The following SRSF11 variants were observed in gnomAD, a reference collection of about 807,000 sequenced individuals.
SRSF11 encodes serine and arginine rich splicing factor 11, also known as serine/arginine-rich splicing factor 11.
SRSF11 carries 9 observed loss-of-function variants against 56.0 expected under a neutral mutation model. That is an observed-to-expected ratio of 0.16 (90% CI 0.10 to 0.28). The LOEUF (loss-of-function observed/expected upper bound fraction) is 0.28, where lower values mean the gene tolerates loss of function less well. SRSF11 is among the 10% of genes least tolerant of loss of function. SRSF11 has a pLI of 1.00. For synonymous variants in SRSF11, 222 were observed against 215.3 expected (o/e 1.03, Z -0.27); for missense variants, 421 against 600.7 (o/e 0.70, Z 3.13).
At chr1:70,240,246 G>A (rs891336281) in intron 7 of SRSF11, among the ~76,000 whole-genome samples, 3 of 152,034 alleles carry the variant, frequency 2.0e-5, no homozygotes, top group Admixed American at 6.6e-5. Context: ...TACTGAAGGG[G>A]GATTTAATAA....
intron 2 of SRSF11, chr1:70,229,890 T>C: frequency 1.0e-6 from 1 of 985,332 alleles, no homozygotes; most frequent in Non-Finnish European, 1.2e-6. Flanking sequence ...GGTTTTGTAA[T>C]GTATAGATAG....
chr1:70,213,891 T>C (rs1669779381), intron 1 of SRSF11, among the ~76,000 whole-genome samples: 2 of 152,288 alleles, frequency 1.3e-5, no homozygotes, highest in Admixed American at 1.3e-4. Flanking sequence ...CTAGCACCTT[T>C]TAAGTGTTAT....
At chr1:70,248,468 G>C (rs1677237309) in intron 9 of SRSF11, 1 of 152,026 alleles carries the variant, frequency 6.6e-6, no homozygotes, top group Non-Finnish European at 1.5e-5. Flanking sequence ...AGATAGGGAG[G>C]ATTAGAGTGA....
At chr1:70,231,448 A>G (rs1412566541) in intron 2 of SRSF11, 28 of 1,055,166 alleles carry the variant, frequency 2.7e-5, no homozygotes, top group Non-Finnish European at 2.9e-5. Flanking sequence ...ACAGATATAT[A>G]TGTCATTTTT....
chr1:70,244,616 TACTA>T, intron 7 of SRSF11, 64 bp from the exon 8 acceptor site: 1 of 1,540,676 alleles, frequency 6.5e-7, no homozygotes, highest in Non-Finnish European at 8.8e-7. Context: ...TTTTGTCTGA[TACTA>T]AGCACAAAAT....
chr1:70,234,337 T>C (rs1365997249), intron 3 of SRSF11, among the ~76,000 whole-genome samples: 5 of 152,172 alleles, frequency 3.3e-5, no homozygotes, highest in African/African-American at 1.2e-4. Context: ...TGAGAAGCAA[T>C]AAATAATTAA....
Position 70,235,564 on chromosome 1 carries a change from CTT to C in SRSF11, c.590+16_590+17del. 5 of 1,608,420 alleles carry C rather than the reference CTT, an allele frequency of 3.1e-6. No individual in the cohort carries two copies. Among genetic ancestry groups the C allele is most frequent in the East Asian group, 2.2e-5 (1 of 44,672 alleles). On this transcript the variant is annotated intron_variant, in intron 5 of 11. Transcript: ENST00000370949. ...TGTTGATCCCAAGTAAGCGTTTTTT[CTT>C]TGTTTTCATTGGTGATGTGGTATCT...
In SRSF11 at chr1:70,242,488, G is replaced by T. The variant is rs368012999; in HGVS notation, c.801-2196G>T. On this transcript the variant is annotated intron_variant, in intron 7 of 11. Transcript: ENST00000370949. Reference sequence around the variant, plus strand: ...TTTTTGCACCTTTTTTTTTTATGTAGAGACAGGGTTTTGCCATGTTGCCCA... The same window carrying T: ...TTTTTGCACCTTTTTTTTTTATGTATAGACAGGGTTTTGCCATGTTGCCCA... Among the ~76,000 whole-genome samples, 455 of 102,388 alleles carry T rather than the reference G, an allele frequency of 4.4e-3. 1 individual carries two copies. Among genetic ancestry groups the T allele is most frequent in the African/African-American group, 0.016 (419 of 26,216 alleles). The allele number at this position is 102,388 out of a possible 152,430, so 67.2% of individuals were successfully genotyped here. A position where few individuals can be genotyped will look rare whatever the true frequency, so the allele number is the denominator to read the frequency against.
At chr1:70,235,170 CTAAGGTGT>C (rs1019511521) in intron 4 of SRSF11, among the ~76,000 whole-genome samples, 2 of 151,798 alleles carry the variant, frequency 1.3e-5, no homozygotes. Flanking sequence ...ATTATATTGG[CTAAGGTGT>C]TTTGAGTTTT....
intron 2 of SRSF11, 60 bp from the exon 3 acceptor site, chr1:70,232,208 T>G (rs1012573021): frequency 6.2e-7 from 1 of 1,613,236 alleles, no homozygotes; most frequent in Non-Finnish European, 8.5e-7. Flanking sequence ...TTCTGGGTGT[T>G]TTTGTGTGTT....
At chr1:70,218,050 C>T (rs1400458559), upstream of SRSF11, among the ~76,000 whole-genome samples, 6 of 151,988 alleles carry the variant, frequency 3.9e-5, no homozygotes, top group Non-Finnish European at 5.9e-5. Context: ...AGTGCAGGGA[C>T]GCGATCTCGG....
At chr1:70,221,965 G>T in intron 1 of SRSF11, 126 bp downstream of exon 1, 1 of 1,456,222 alleles carries the variant, frequency 6.9e-7, no homozygotes. Context: ...GGTGGCTGGT[G>T]GATTTACTTA....
intron 3 of SRSF11, among the ~76,000 whole-genome samples, chr1:70,233,301 A>G (rs1455008293): frequency 1.3e-5 from 2 of 151,936 alleles, no homozygotes; most frequent in Non-Finnish European, 2.9e-5. Context: ...CCGGAGTGCA[A>G]TAGCACAGTC....
chr1:70,232,868 T>C (rs184453862), intron 3 of SRSF11, among the ~76,000 whole-genome samples: 10 of 152,304 alleles, frequency 6.6e-5, no homozygotes, highest in African/African-American at 1.7e-4. Context: ...GTTGCAATAG[T>C]GTTTCTAACA....
At chr1:70,245,196 C>T (rs933587677) in intron 8 of SRSF11, among the ~76,000 whole-genome samples, 2 of 152,164 alleles carry the variant, frequency 1.3e-5, no homozygotes, top group Non-Finnish European at 2.9e-5. Flanking sequence ...GTGAGGCATA[C>T]AATTTCACAG....
intron 3 of SRSF11, among the ~76,000 whole-genome samples, chr1:70,232,837 T>C (rs1673112297): frequency 6.6e-6 from 1 of 152,164 alleles, no homozygotes; most frequent in South Asian, 2.1e-4. Flanking sequence ...ATGTTTGATA[T>C]GGGAATGTGA....
At chr1:70,208,534 C>T (rs940679433) in intron 1 of SRSF11, among the ~76,000 whole-genome samples, 13 of 152,222 alleles carry the variant, frequency 8.5e-5, no homozygotes, top group South Asian at 4.1e-4. Context: ...GGCAGGGTTT[C>T]GCCATGTTGG....
Position 70,234,707 on chromosome 1 carries a change from T to G in SRSF11, c.459T>G (p.Val153=). Residue 153 remains valine, a synonymous_variant, in exon 4 of 12, where the codon GTT becomes GTG. Transcript: ENST00000370949. ...TPNPLTQIGA[V]PLAALGAPTL... ...TTGCCATTTCACAGATTGGCGCTGT[T>G]CCACTGGCTGCTTTGGGGGCTCCTA... The G allele has an allele frequency of 6.2e-7, 1 of 1,606,436 alleles. No individual in the cohort carries two copies.
At chr1:70,230,597 CTT>C (rs1558179302) in intron 2 of SRSF11, 1 of 1,285,990 alleles carries the variant, frequency 7.8e-7, no homozygotes. Context: ...AAAAAATACT[CTT>C]GACGCATGAA....
Sources: allele counts gnomAD v4.1 joint callset (sites outside exome capture counted in the v4.1 genomes callset), GRCh38; gene constraint gnomAD v4.1.1; transcripts MANE v1.5; gene names NCBI Gene and HGNC (gene_info 2026-07-23, HGNC 2026-07-21).